TRERF1: variants seen among roughly 807,000 people sequenced by gnomAD.
The protein encoded by TRERF1 is transcriptional-regulating factor 1.
TRERF1 carries 27 observed loss-of-function variants against 122.9 expected under a neutral mutation model. The ratio of observed to expected loss-of-function variants is 0.22; its 90% CI spans 0.16 to 0.30. TRERF1 has a LOEUF of 0.30. TRERF1 is among the 10% of genes least tolerant of loss of function. The probability of loss-of-function intolerance (pLI) is 1.00; values close to 1 mark genes in which losing one functional copy is unlikely to be tolerated. For synonymous variants in TRERF1, 636 were observed against 641.7 expected (o/e 0.99, Z 0.13); for missense variants, 1,248 against 1,560.3 (o/e 0.80, Z 3.37).
At chr6:42,339,199 T>G (rs1766784729) in intron 3 of TRERF1, among the ~76,000 whole-genome samples, 1 of 152,248 alleles carries the variant, frequency 6.6e-6, no homozygotes, top group African/African-American at 2.4e-5. Flanking sequence ...TTCTGGTTTA[T>G]GAGAAAATGT....
rs574294970 is a variant in TRERF1 at position 42,329,018 on chromosome 6, C to A, written c.-370-28269G>T. Among the ~76,000 whole-genome samples the A allele has an allele frequency of 7.9e-5, 12 of 152,254 alleles. No individual in the cohort carries two copies. In the South Asian group the frequency reaches 2.3e-3, roughly 29 times the overall value. The stretch of plus-strand genomic sequence containing the variant: ...ACACACATTGGAAGCTAAGGCCCTG[C>A]CTTGAAACAACACTGTCCTGTGTCA... On this transcript the variant is annotated intron_variant, in intron 3 of 17. Coordinates refer to ENST00000372922, the Ensembl canonical transcript of TRERF1.
At position 42,269,261 on chromosome 6, in the gene TRERF1, T is replaced by A; in HGVS notation, c.330A>T (p.Ala110=). 1 of 1,614,182 alleles carries A rather than the reference T, an allele frequency of 6.2e-7. No individual in the cohort carries two copies. The highest frequency in any genetic ancestry group is 8.5e-7 in the Non-Finnish European group (1 of 1,180,014). The change falls in exon 5 of 18, where the codon GCA becomes GCT. Residue 110 remains alanine, a synonymous_variant. Coordinates refer to ENST00000372922, the Ensembl canonical transcript of TRERF1. This position sits in a 1 kb window ranked among gnomAD's most constrained non-coding sequence, Gnocchi z 4.9. ...CATCAGTGGGCTCAGCCTGGGCTGG[T>A]GCCCCCCACATCATGTTTGAGTTGG...
chr6:42,380,874 C>T lies in TRERF1; in HGVS notation c.-453-17795G>A, dbSNP rs142974063. Among the ~76,000 whole-genome samples, 1,129 of 152,322 alleles carry T rather than the reference C, an allele frequency of 7.4e-3. 11 individuals carry two copies. Among genetic ancestry groups the T allele is most frequent in the African/African-American group, 0.025 (1,024 of 41,562 alleles). On this transcript the variant is annotated intron_variant, in intron 2 of 17. Coordinates refer to ENST00000372922, the Ensembl canonical transcript of TRERF1. Reference sequence around the variant, plus strand: ...CACCACTACATCTCTTCTGCCCAGGCTGCCACACTCTCCCTCCTGCCTCCT... The same window carrying T: ...CACCACTACATCTCTTCTGCCCAGGTTGCCACACTCTCCCTCCTGCCTCCT...
intron 2 of TRERF1, among the ~76,000 whole-genome samples, chr6:42,397,798 C>T (rs1778843785): frequency 6.6e-6 from 1 of 152,154 alleles, no homozygotes; most frequent in South Asian, 2.1e-4. Flanking sequence ...AAGATATCTG[C>T]TCTTAGAGAA....
intron 2 of TRERF1, among the ~76,000 whole-genome samples, chr6:42,392,923 CACACACAT>C (rs1318450314): frequency 1.8e-4 from 11 of 61,376 alleles, no homozygotes; most frequent in Admixed American, 7.7e-4. Flanking sequence ...CACACACATA[CACACACAT>C]ACACACACAC....
In TRERF1 at chr6:42,275,569, G is replaced by A. The variant is rs141790824; in HGVS notation, c.-258-5721C>T. The stretch of plus-strand genomic sequence containing the variant: ...GCAGCCTGCCCATGTGGTGTCCTCA[G>A]GGACTGGGACATAGCAGATGCTCAA... On this transcript the variant is annotated intron_variant, in intron 4 of 17. Transcript: ENST00000372922. This position sits in a 1 kb window ranked among gnomAD's most constrained non-coding sequence, Gnocchi z 4.1. Among the ~76,000 whole-genome samples, 775 of 152,352 alleles carry A rather than the reference G, an allele frequency of 5.1e-3. 12 individuals are homozygous for A. The highest frequency in any genetic ancestry group is 0.017 in the African/African-American group (721 of 41,580).
In TRERF1 at chr6:42,232,618, C is replaced by T. The variant is rs753216253; in HGVS notation, c.3278+63G>A. The T allele has an allele frequency of 2.7e-6, 4 of 1,487,826 alleles. No homozygotes were observed. The highest frequency in any genetic ancestry group is 3.6e-6 in the Non-Finnish European group (4 of 1,115,252). 92.2% of individuals were successfully genotyped at this position (1,487,826 alleles called of 1,614,324 possible). On this transcript the variant is annotated intron_variant, in intron 17 of 17. Transcript: ENST00000372922. The surrounding 1 kb of genome is among the most constrained non-coding windows in gnomAD (Gnocchi z 4.5). ...GAAGAAACCTCAGGCCATCCTGGCC[C>T]AGCTCCCATAGAGCGACTACCCATC...
At chr6:42,290,980 G>GA (rs1046704976) in intron 4 of TRERF1, among the ~76,000 whole-genome samples, 7 of 152,052 alleles carry the variant, frequency 4.6e-5, no homozygotes, top group African/African-American at 1.7e-4. Context: ...AAGAATTCGT[G>GA]AAAGGGTGTG....
At chr6:42,410,630 A>G (rs770403063) in intron 2 of TRERF1, among the ~76,000 whole-genome samples, 1 of 152,120 alleles carries the variant, frequency 6.6e-6, no homozygotes, top group African/African-American at 2.4e-5. Flanking sequence ...GAGGCTCCTC[A>G]GTCCCCCCTC....
intron 3 of TRERF1, among the ~76,000 whole-genome samples, chr6:42,336,863 T>C (rs543543505): frequency 7.2e-5 from 11 of 152,342 alleles, no homozygotes; most frequent in African/African-American, 2.6e-4. Flanking sequence ...CTCGTATTTA[T>C]TAAGCTCCTG....
chr6:42,255,031 G>C (rs901705588), intron 12 of TRERF1, 105 bp from the exon 13 acceptor site: 6 of 1,131,558 alleles, frequency 5.3e-6, no homozygotes, highest in Non-Finnish European at 7.9e-6. Context: ...GTGGAGGTCA[G>C]GGGCGGGGGC....
intron 2 of TRERF1, among the ~76,000 whole-genome samples, chr6:42,372,295 G>T (rs1291995061): frequency 6.6e-6 from 1 of 152,190 alleles, no homozygotes; most frequent in African/African-American, 2.4e-5. Flanking sequence ...GTTGGCTTTT[G>T]TTGAGCTCTT....
At chr6:42,301,420 G>A (rs561111021) in intron 3 of TRERF1, among the ~76,000 whole-genome samples, 2 of 152,208 alleles carry the variant, frequency 1.3e-5, no homozygotes, top group Non-Finnish European at 2.9e-5. Context: ...AGTAGAGACG[G>A]GGTTTCACCA....
At chr6:42,255,933 C>T (rs1561836230) in intron 12 of TRERF1, among the ~76,000 whole-genome samples, 2 of 152,038 alleles carry the variant, frequency 1.3e-5, no homozygotes, top group South Asian at 4.2e-4. Flanking sequence ...GAGTTCGAGA[C>T]CAGCCTGGCC....
chr6:42,280,205 T>C (rs1297030778), intron 4 of TRERF1, among the ~76,000 whole-genome samples: 1 of 152,092 alleles, frequency 6.6e-6, no homozygotes, highest in Non-Finnish European at 1.5e-5. Flanking sequence ...CAGTCCCTTT[T>C]GCTCAGACTT....
At chr6:42,282,720 A>G (rs1782508755) in intron 4 of TRERF1, among the ~76,000 whole-genome samples, 1 of 152,218 alleles carries the variant, frequency 6.6e-6, no homozygotes, top group South Asian at 2.1e-4. Flanking sequence ...AAAATAGAAT[A>G]TATACATATG....
At chr6:42,360,773 A>T (rs1253213982) in intron 3 of TRERF1, among the ~76,000 whole-genome samples, 1 of 21,692 alleles carries the variant, frequency 4.6e-5, no homozygotes, top group African/African-American at 1.9e-4. Context: ...GGAGAGATTA[A>T]AAAAAAAAAA....
intron 13 of TRERF1, among the ~76,000 whole-genome samples, chr6:42,254,509 T>C (rs1004551680): frequency 1.1e-4 from 17 of 152,184 alleles, no homozygotes; most frequent in Non-Finnish European, 1.0e-4. Flanking sequence ...AGGGGTGCGG[T>C]AGAATCTAAA....
chr6:42,239,439 C>G (rs1423366136), intron 15 of TRERF1, among the ~76,000 whole-genome samples: 2 of 152,190 alleles, frequency 1.3e-5, no homozygotes, highest in Non-Finnish European at 1.5e-5. Flanking sequence ...TCCAGTCACA[C>G]TGCCCCTGCT....
Sources: allele counts gnomAD v4.1 joint callset (sites outside exome capture counted in the v4.1 genomes callset), GRCh38; gene constraint gnomAD v4.1.1; non-coding constraint Gnocchi (gnomAD v3.1); transcripts MANE v1.5; gene names NCBI Gene and HGNC (gene_info 2026-07-23, HGNC 2026-07-21).